The following CGNL1 variants were observed in gnomAD, a reference collection of about 807,000 sequenced individuals.
CGNL1 encodes cingulin like 1.
Under a neutral mutation model 141.2 loss-of-function variants are expected in CGNL1, and 132 were observed. The observed-to-expected ratio is 0.93, with a 90% CI of 0.81 to 1.08. The LOEUF is 1.08. Ranked by LOEUF, CGNL1 falls within the 50% of genes least tolerant of loss-of-function variation. CGNL1 has a pLI of 0.00. For synonymous variants in CGNL1, 690 were observed against 622.1 expected, an observed-to-expected ratio of 1.11 and a Z score of -1.63; for missense variants, 1,870 against 1,588.6, an observed-to-expected ratio of 1.18 and a Z score of -3.01.
intron 1 of CGNL1, among the ~76,000 whole-genome samples, chr15:57,414,281 C>T (rs2062824746): frequency 6.6e-6 from 1 of 152,162 alleles, no homozygotes; most frequent in Non-Finnish European, 1.5e-5. Context: ...CGGGGCTGGC[C>T]GTCCATCACA....
At chr15:57,545,550 A>G (rs778209874) in intron 16 of CGNL1, 42 bp from the exon 17 acceptor site, 87 of 1,566,654 alleles carry the variant, frequency 5.6e-5, no homozygotes, top group Non-Finnish European at 5.0e-5. Context: ...CCCTGCAGGG[A>G]TGGGAGTGAG....
In CGNL1 at chr15:57,481,754, T is replaced by G. The variant is rs115472808; in HGVS notation, c.2403+19862T>G. ...AATATCTAGGAGTGTGAATGTGATT[T>G]AATTTTTTTCTGAGATAAATATCTA... is the stretch of plus-strand genomic sequence containing the variant. On this transcript the variant is annotated intron_variant, in intron 8 of 18. Transcript: ENST00000281282. 3.2e-3 allele frequency among the ~76,000 whole-genome samples: 491 copies of G among 152,316 alleles called. 5 individuals carry two copies. The highest frequency in any genetic ancestry group is 0.011 in the African/African-American group (459 of 41,566).
intron 4 of CGNL1, among the ~76,000 whole-genome samples, chr15:57,450,716 A>G (rs1456969366): frequency 6.6e-6 from 1 of 152,222 alleles, no homozygotes; most frequent in Non-Finnish European, 1.5e-5. Context: ...TGTAAGGATC[A>G]TAACTCTGTG....
intron 8 of CGNL1, among the ~76,000 whole-genome samples, chr15:57,475,159 G>T (rs4774945): frequency 6.6e-6 from 1 of 152,076 alleles, no homozygotes; most frequent in Admixed American, 6.5e-5. Context: ...ACCTGCCGCA[G>T]GTTGGCCACC....
intron 12 of CGNL1, chr15:57,527,716 T>G (rs2031700948): frequency 6.6e-6 from 1 of 152,364 alleles, no homozygotes; most frequent in South Asian, 2.1e-4. Context: ...ACAACAACAT[T>G]ATAAATTAAG....
chr15:57,512,400 T>C (rs1475633281), intron 8 of CGNL1, among the ~76,000 whole-genome samples: 1 of 152,128 alleles, frequency 6.6e-6, no homozygotes, highest in Non-Finnish European at 1.5e-5. Context: ...TGTGGGGGCA[T>C]GAAAATGGGA....
At chr15:57,456,877 G>GA (rs2063385417) in intron 7 of CGNL1, among the ~76,000 whole-genome samples, 1 of 152,206 alleles carries the variant, frequency 6.6e-6, no homozygotes, top group African/African-American at 2.4e-5. Flanking sequence ...CAAGATACAG[G>GA]TACTTCAGTC....
intron 1 of CGNL1, among the ~76,000 whole-genome samples, chr15:57,405,814 CTTTCTTTCTTTCTTTTTCTTTCTTTTCTT>C (rs142478427): frequency 0.05 from 6,439 of 129,914 alleles, 196 homozygotes; most frequent in African/African-American, 0.084. Context: ...TTCTTTCCTT[CTTTCTTTCTTTCTTTTTCTTTCTTTTCTT>C]TTTCTTTCTT....
At chr15:57,529,725 G>C (rs1217566841) in intron 13 of CGNL1, among the ~76,000 whole-genome samples, 4 of 152,118 alleles carry the variant, frequency 2.6e-5, no homozygotes, top group African/African-American at 9.7e-5. Context: ...TTTGATAAAA[G>C]ACAGTGCTCA....
intron 8 of CGNL1, among the ~76,000 whole-genome samples, chr15:57,508,063 T>C (rs1352916189): frequency 6.6e-6 from 1 of 152,222 alleles, no homozygotes. Flanking sequence ...TTTTTGGCAT[T>C]GGAATCAACT....
intron 8 of CGNL1, among the ~76,000 whole-genome samples, chr15:57,465,708 A>G (rs2063503799): frequency 6.6e-6 from 1 of 152,202 alleles, no homozygotes; most frequent in Non-Finnish European, 1.5e-5. Context: ...TTATTACTTC[A>G]ATAGGTCTTA....
intron 8 of CGNL1, among the ~76,000 whole-genome samples, chr15:57,468,098 A>C (rs2063532079): frequency 6.6e-6 from 1 of 152,162 alleles, no homozygotes; most frequent in Non-Finnish European, 1.5e-5. Flanking sequence ...GGATGAAACA[A>C]GATCAGCCAT....
intron 8 of CGNL1, among the ~76,000 whole-genome samples, chr15:57,474,093 T>G (rs2063620271): frequency 6.6e-6 from 1 of 151,812 alleles, no homozygotes; most frequent in Admixed American, 6.6e-5. Flanking sequence ...GTATTTTTGG[T>G]AGAGACGGGG....
At chr15:57,380,996 T>C (rs2062418436) in intron 1 of CGNL1, among the ~76,000 whole-genome samples, 1 of 152,242 alleles carries the variant, frequency 6.6e-6, no homozygotes, top group Non-Finnish European at 1.5e-5. Context: ...TTGCTGTAGC[T>C]CAGGCTTCCT....
At chr15:57,397,061 C>G (rs1429770353) in intron 1 of CGNL1, 1 of 152,110 alleles carries the variant, frequency 6.6e-6, no homozygotes, top group Non-Finnish European at 1.5e-5. Flanking sequence ...TCGCTAAAGT[C>G]TTGCAGAAAG....
chr15:57,434,925 A>G (rs1357417450), intron 1 of CGNL1, among the ~76,000 whole-genome samples: 11 of 152,148 alleles, frequency 7.2e-5, no homozygotes, highest in Admixed American at 3.3e-4. Context: ...ACAAAGAGGA[A>G]GACATGAAAC....
intron 1 of CGNL1, among the ~76,000 whole-genome samples, chr15:57,383,516 T>G (rs560329365): frequency 6.6e-6 from 1 of 152,028 alleles, no homozygotes; most frequent in African/African-American, 2.4e-5. Flanking sequence ...GCCAGGATGG[T>G]CTCTATCTCC....
intron 1 of CGNL1, among the ~76,000 whole-genome samples, chr15:57,426,997 G>A (rs1303032854): frequency 1.3e-5 from 2 of 152,180 alleles, no homozygotes; most frequent in Non-Finnish European, 2.9e-5. Flanking sequence ...TGCTTGCAGT[G>A]TCTAAATGAA....
chr15:57,488,363 A>C (rs2063812699), intron 8 of CGNL1, among the ~76,000 whole-genome samples: 1 of 152,142 alleles, frequency 6.6e-6, no homozygotes, highest in Non-Finnish European at 1.5e-5. Flanking sequence ...TTCACTTTTT[A>C]AATGCTATCC....
Sources: gnomAD v4.1 joint callset for allele counts (sites outside exome capture counted in the v4.1 genomes callset) on GRCh38, gnomAD v4.1.1 for gene constraint, MANE v1.5 for transcripts, NCBI Gene and HGNC (gene_info 2026-07-23, HGNC 2026-07-21) for gene names.